The following CSRP3 variants were observed in gnomAD, a reference collection of about 807,000 sequenced individuals.
CSRP3 encodes cysteine and glycine-rich protein 3.
A neutral mutation model predicts 24.3 loss-of-function variants in CSRP3; 24 were observed. That is an observed-to-expected ratio of 0.99 (90% CI 0.71 to 1.39). CSRP3 has a LOEUF of 1.39. CSRP3 is among the 40% of genes most tolerant of loss of function. The pLI, the probability that CSRP3 is intolerant of heterozygous loss-of-function variation, is 0.00. For missense variants in CSRP3, 240 were observed against 249.0 expected, an observed-to-expected ratio of 0.96 and a Z score of 0.24; for synonymous variants, 105 against 94.0, an observed-to-expected ratio of 1.12 and a Z score of -0.68.
At chr11:19,184,165 T>C (rs115560631) in intron 5 of CSRP3, among the ~76,000 whole-genome samples, 5 of 152,348 alleles carry the variant, frequency 3.3e-5, no homozygotes, top group African/African-American at 1.2e-4. Flanking sequence ...CTCTCTTAAC[T>C]CCCTTTCCAT....
intron 1 of CSRP3, among the ~76,000 whole-genome samples, chr11:19,195,738 C>A (rs1483916936): frequency 6.6e-6 from 1 of 151,980 alleles, no homozygotes; most frequent in Non-Finnish European, 1.5e-5. Flanking sequence ...GCATACTTTT[C>A]AAAATGAGAA....
chr11:19,188,561 C>A lies in CSRP3; in HGVS notation c.113-257G>T, dbSNP rs778354841. 2.0e-5 allele frequency among the ~76,000 whole-genome samples: 3 copies of A among 151,686 alleles called. No individual in the cohort carries two copies. In the East Asian group the frequency reaches 5.8e-4, roughly 29 times the overall value. On this transcript the variant is annotated intron_variant, in intron 2 of 5. Transcript: ENST00000265968. ...CTAGCATTAGAACGAGATATATAGT[C>A]TCAGACCTGCTAAGGACTGCATCCC... is the stretch of plus-strand genomic sequence containing the variant.
At chr11:19,190,956 G>A (rs1850603676) in intron 2 of CSRP3, among the ~76,000 whole-genome samples, 1 of 152,158 alleles carries the variant, frequency 6.6e-6, no homozygotes. Flanking sequence ...TCCTACCTGG[G>A]AAAGACAAGA....
At chr11:19,194,955 T>C (rs1850673687) in intron 1 of CSRP3, among the ~76,000 whole-genome samples, 1 of 152,016 alleles carries the variant, frequency 6.6e-6, no homozygotes, top group Admixed American at 6.5e-5. Flanking sequence ...AAGCCCATGT[T>C]GTAGTGAGAA....
chr11:19,198,389 G>A (rs2133526128), intron 1 of CSRP3, among the ~76,000 whole-genome samples: 1 of 152,338 alleles, frequency 6.6e-6, no homozygotes, highest in Middle Eastern at 3.4e-3. Context: ...GGACACAGAG[G>A]GTATTCAAGG....
chr11:19,194,931 C>T (rs1453886545), intron 1 of CSRP3, among the ~76,000 whole-genome samples: 2 of 152,026 alleles, frequency 1.3e-5, no homozygotes, highest in Non-Finnish European at 2.9e-5. Flanking sequence ...TAGTTTGTGA[C>T]CCCTGGCATT....
intron 1 of CSRP3, among the ~76,000 whole-genome samples, chr11:19,198,346 A>G (rs866333217): frequency 2.2e-4 from 34 of 152,346 alleles, no homozygotes; most frequent in Middle Eastern, 6.8e-3. Context: ...GTTGATGGGA[A>G]TTGAGACGTG....
At chr11:19,194,108 G>A (rs1240692432) in intron 1 of CSRP3, among the ~76,000 whole-genome samples, 1 of 152,070 alleles carries the variant, frequency 6.6e-6, no homozygotes, top group Non-Finnish European at 1.5e-5. Context: ...ATAATAGTTG[G>A]CGATTAACAC....
intron 1 of CSRP3, among the ~76,000 whole-genome samples, chr11:19,196,594 T>C (rs1850710283): frequency 6.6e-6 from 1 of 152,172 alleles, no homozygotes; most frequent in Non-Finnish European, 1.5e-5. Context: ...ACTCCCAGAA[T>C]GTGAGCTTAC....
intron 1 of CSRP3, among the ~76,000 whole-genome samples, chr11:19,201,446 C>T (rs72904176): frequency 0.057 from 8,669 of 152,232 alleles, 349 homozygotes; most frequent in African/African-American, 0.098. Flanking sequence ...CTAGTACAAT[C>T]GCTTATCGCT....
intron 4 of CSRP3, among the ~76,000 whole-genome samples, 183 bp from the exon 5 acceptor site, chr11:19,185,228 C>G (rs901410725): frequency 2.0e-5 from 3 of 152,218 alleles, no homozygotes; most frequent in Non-Finnish European, 2.9e-5. Context: ...GCCAGCACTT[C>G]TCAGAAGCCT....
chr11:19,185,180 C>A (rs1199717477), intron 4 of CSRP3, 135 bp from the exon 5 acceptor site: 4 of 730,526 alleles, frequency 5.5e-6, no homozygotes, highest in Non-Finnish European at 9.9e-6. Context: ...CCCATAATTT[C>A]TCCAGGGGTT....
intron 2 of CSRP3, among the ~76,000 whole-genome samples, chr11:19,190,985 G>A (rs1850604001): frequency 6.6e-6 from 1 of 152,296 alleles, no homozygotes; most frequent in East Asian, 1.9e-4. Flanking sequence ...ACTAAGGAAA[G>A]CTTCCCTACA....
chr11:19,187,792 G>T (rs542499300), intron 3 of CSRP3, among the ~76,000 whole-genome samples: 38 of 152,302 alleles, frequency 2.5e-4, no homozygotes, highest in African/African-American at 9.1e-4. Context: ...TGCCATATTT[G>T]TGTGATTTAC....
intron 1 of CSRP3, among the ~76,000 whole-genome samples, chr11:19,198,396 A>G (rs979877274): frequency 6.6e-6 from 1 of 152,232 alleles, no homozygotes; most frequent in Admixed American, 6.5e-5. Flanking sequence ...GAGGGTATTC[A>G]AGGGTGGGAC....
intron 1 of CSRP3, among the ~76,000 whole-genome samples, chr11:19,196,374 A>C (rs575606327): frequency 6.6e-6 from 1 of 152,202 alleles, no homozygotes; most frequent in Non-Finnish European, 1.5e-5. Flanking sequence ...CCTGGGCAGG[A>C]CCATTGTGAA....
chr11:19,197,545 TTCTTTCTTTC>T lies in CSRP3; in HGVS notation c.-29+4399_-29+4408del, dbSNP rs1277704672. Among the ~76,000 whole-genome samples the T allele has an allele frequency of 5.1e-3, 719 of 140,678 alleles. 3 individuals are homozygous for T. Among genetic ancestry groups the T allele is most frequent in the Middle Eastern group, 0.01 (3 of 288 alleles). The allele number at this position is 140,678 out of a possible 152,430, so 92.3% of individuals were successfully genotyped here. A position where few individuals can be genotyped will look rare whatever the true frequency, so the allele number is the denominator to read the frequency against. ...TTTCTTTCTTTCTTTCTTTCTTTCT[TTCTTTCTTTC>T]TTTCTTTCTTTCTTTCTTTCTTCTT... On this transcript the variant is annotated intron_variant, in intron 1 of 5. Coordinates refer to ENST00000265968, the MANE Select transcript of CSRP3 (RefSeq NM_003476.5).
chr11:19,200,750 A>C (rs1004890650), intron 1 of CSRP3, among the ~76,000 whole-genome samples: 4 of 152,236 alleles, frequency 2.6e-5, no homozygotes, highest in Admixed American at 6.5e-5. Context: ...ATCATAAAGC[A>C]GTTCTACATG....
rs773319934 is a variant in CSRP3, at chr11:19,192,317, AG to A, written c.112+19del. ...GCTGTCCGGATGCTGAGGGGCCCCC[AG>A]GGTGTCCACCCAACTCACTGCAGTG... On this transcript the variant is annotated intron_variant, in intron 2 of 5. Coordinates refer to ENST00000265968, the MANE Select transcript of CSRP3 (RefSeq NM_003476.5). The A allele has an allele frequency of 6.3e-7, 1 of 1,586,146 alleles. No individual in the cohort carries two copies. The highest frequency in any genetic ancestry group is 8.7e-7 in the Non-Finnish European group (1 of 1,154,720).
Sources: gnomAD v4.1 joint callset for allele counts (sites outside exome capture counted in the v4.1 genomes callset) on GRCh38, gnomAD v4.1.1 for gene constraint, MANE v1.5 for transcripts, NCBI Gene and HGNC (gene_info 2026-07-23, HGNC 2026-07-21) for gene names.